The following ST8SIA4 variants were observed in gnomAD, a reference collection of about 807,000 sequenced individuals.
The protein encoded by ST8SIA4 is CMP-N-acetylneuraminate-poly-alpha-2,8-sialyltransferase.
In ST8SIA4, 15 loss-of-function variants were observed where a neutral mutation model predicts 33.9. The ratio of observed to expected loss-of-function variants is 0.44; its 90% CI spans 0.30 to 0.68. The LOEUF (loss-of-function observed/expected upper bound fraction) is 0.68, where lower values mean the gene tolerates loss of function less well. ST8SIA4 is among the 30% of genes least tolerant of loss of function. The pLI is 0.10. For synonymous variants in ST8SIA4, 171 were observed against 151.2 expected, an observed-to-expected ratio of 1.13 and a Z score of -0.96; for missense variants, 321 against 428.0, an observed-to-expected ratio of 0.75 and a Z score of 2.21.
At chr5:100,855,994 C>T in intron 4 of ST8SIA4, 109 bp downstream of exon 4, 3 of 984,408 alleles carry the variant, frequency 3.0e-6, no homozygotes, top group Non-Finnish European at 4.5e-6. Flanking sequence ...ATAACGGAAA[C>T]ATATATCCAT....
rs951097196 is a variant in ST8SIA4, at chr5:100,903,113, G to A, written c.-158C>T. ...GATCAGATCACTGGGGTCTTCTGTG[G>A]CCGAGCTCCCTCTGGTCCTCGAACG... On this transcript the variant is annotated 5_prime_UTR_variant, in exon 1 of 5. Transcript: ENST00000231461. 2 of 608,884 alleles carry A rather than the reference G, an allele frequency of 3.3e-6. No individual in the cohort carries two copies. Among genetic ancestry groups the A allele is most frequent in the Admixed American group, 2.9e-5 (1 of 33,958 alleles). 37.7% of individuals were successfully genotyped at this position (608,884 alleles called of 1,614,324 possible).
chr5:100,895,774 A>C lies in ST8SIA4; in HGVS notation c.125T>G (p.Leu42Trp), dbSNP rs758784244. 2 of 1,612,354 alleles carry C rather than the reference A, an allele frequency of 1.2e-6. No homozygotes were observed. The highest frequency in any genetic ancestry group is 2.2e-5 in the South Asian group (2 of 90,922). Residue 42 changes from leucine (L) to tryptophan (W), a missense_variant, in exon 2 of 5, where the codon TTG (leucine) becomes TGG (tryptophan). By Grantham distance (61) the Leu-to-Trp change is moderately conservative (BLOSUM62 -2). Coordinates refer to ENST00000231461, the MANE Select transcript of ST8SIA4 (RefSeq NM_005668.6). Reference protein sequence around the residue: ...QETQLIGDGELSLSRSLVNSS... With the variant: ...QETQLIGDGEWSLSRSLVNSS... The stretch of plus-strand genomic sequence containing the variant: ...ATTGACAAGTGACCGACTCAAAGAC[A>C]ATTCACCATCTCTGAAACAAAACAA...
At chr5:100,820,439 C>T (rs1298532496) in intron 4 of ST8SIA4, among the ~76,000 whole-genome samples, 1 of 152,018 alleles carries the variant, frequency 6.6e-6, no homozygotes, top group Non-Finnish European at 1.5e-5. Context: ...CTAACAAATT[C>T]ATAATTAATG....
At chr5:100,890,761 A>G (rs1752643636) in intron 2 of ST8SIA4, 1 of 151,956 alleles carries the variant, frequency 6.6e-6, no homozygotes, top group Non-Finnish European at 1.5e-5. Flanking sequence ...TTGAGCAACT[A>G]TTTTAACATT....
rs188221813 is a variant in ST8SIA4, at chr5:100,893,943, A to G, written c.245+1711T>C. On this transcript the variant is annotated intron_variant, in intron 2 of 4. Transcript: ENST00000231461. ...ACCTATCTCTCTCTCTTTCCAATAT[A>G]CCTTCAAGAAATATGAATCTTTACT... Among the ~76,000 whole-genome samples the G allele has an allele frequency of 6.6e-5, 10 of 152,200 alleles. No individual in the cohort carries two copies. In the East Asian group the frequency reaches 1.7e-3, roughly 26 times the overall value.
At chr5:100,866,903 A>G (rs1317518012) in intron 3 of ST8SIA4, among the ~76,000 whole-genome samples, 5 of 152,106 alleles carry the variant, frequency 3.3e-5, no homozygotes, top group African/African-American at 1.2e-4. Flanking sequence ...CTTCATGAGC[A>G]TTGTTAGGAA....
At chr5:100,890,313 A>G (rs1413915774) in intron 2 of ST8SIA4, among the ~76,000 whole-genome samples, 1 of 152,024 alleles carries the variant, frequency 6.6e-6, no homozygotes, top group East Asian at 1.9e-4. Context: ...ATGAAAAAAA[A>G]TTCAAGTATA....
At chr5:100,822,612 A>C (rs1751052026) in intron 4 of ST8SIA4, among the ~76,000 whole-genome samples, 1 of 152,240 alleles carries the variant, frequency 6.6e-6, no homozygotes, top group African/African-American at 2.4e-5. Context: ...ATGAAATTTA[A>C]TATATTATGT....
chr5:100,868,726 C>T (rs1580472180), intron 3 of ST8SIA4, among the ~76,000 whole-genome samples: 1 of 152,026 alleles, frequency 6.6e-6, no homozygotes, highest in East Asian at 1.9e-4. Flanking sequence ...GATGTCTCTA[C>T]CTGAAACTGC....
At position 100,903,145 on chromosome 5, in the gene ST8SIA4, A is replaced by G; in HGVS notation, c.-190T>C. On this transcript the variant is annotated 5_prime_UTR_variant, in exon 1 of 5. Transcript: ENST00000231461. ...TCCCTCTGGTCCTCGAACGCTGCCC[A>G]GCGACCTCTCGCCCTGTTTGCGCCA... is the stretch of plus-strand genomic sequence containing the variant. The G allele has an allele frequency of 1.7e-6, 1 of 587,996 alleles. No individual in the cohort carries two copies. Among genetic ancestry groups the G allele is most frequent in the Non-Finnish European group, 3.0e-6 (1 of 331,586 alleles). 36.4% of individuals were successfully genotyped at this position (587,996 alleles called of 1,614,324 possible). A position where few individuals can be genotyped will look rare whatever the true frequency, so the allele number is the denominator to read the frequency against.
At chr5:100,820,467 T>G (rs1370263775) in intron 4 of ST8SIA4, among the ~76,000 whole-genome samples, 1 of 152,132 alleles carries the variant, frequency 6.6e-6, no homozygotes, top group Non-Finnish European at 1.5e-5. Context: ...TCAAATTTAC[T>G]TATTCATTTT....
intron 4 of ST8SIA4, among the ~76,000 whole-genome samples, chr5:100,848,664 G>A (rs1402297701): frequency 6.7e-6 from 1 of 150,004 alleles, no homozygotes; most frequent in African/African-American, 2.4e-5. Flanking sequence ...CAGTAAATAT[G>A]TATGTATACT....
rs760805096 is a variant in ST8SIA4 at position 100,895,757 on chromosome 5, G to A, written c.142C>T (p.Leu48Phe). The A allele has an allele frequency of 6.2e-7, 1 of 1,612,682 alleles. No individual in the cohort carries two copies. Among genetic ancestry groups the A allele is most frequent in the Non-Finnish European group, 8.5e-7 (1 of 1,179,054 alleles). ...ATGATTTTATCAGAGCTATTGACAA[G>A]TGACCGACTCAAAGACAATTCACCA... is the stretch of plus-strand genomic sequence containing the variant. ...GDGELSLSRSLVNSSDKIIRK... is the reference protein window; with the variant it reads ...GDGELSLSRSFVNSSDKIIRK... Residue 48 changes from leucine to phenylalanine, a missense_variant, in exon 2 of 5, where the codon CTT becomes TTT. Physicochemically the swap from Leu to Phe is conservative, Grantham distance 22. Coordinates refer to ENST00000231461, the MANE Select transcript of ST8SIA4 (RefSeq NM_005668.6).
chr5:100,832,180 A>G (rs1751278104), intron 4 of ST8SIA4, among the ~76,000 whole-genome samples: 1 of 152,062 alleles, frequency 6.6e-6, no homozygotes, highest in South Asian at 2.1e-4. Flanking sequence ...ATCAGTTCAC[A>G]CTTTAGGTTT....
At chr5:100,826,963 C>T (rs1237364799) in intron 4 of ST8SIA4, among the ~76,000 whole-genome samples, 4 of 83,120 alleles carry the variant, frequency 4.8e-5, no homozygotes, top group East Asian at 3.0e-4. Context: ...TGTGTATATA[C>T]ACACACACAC....
chr5:100,851,679 T>C (rs1751701202), intron 4 of ST8SIA4, among the ~76,000 whole-genome samples: 2 of 152,094 alleles, frequency 1.3e-5, no homozygotes, highest in Admixed American at 1.3e-4. Context: ...TCTGTCTATC[T>C]ATAGGTTTTT....
rs1750724704 is a variant in ST8SIA4, at chr5:100,807,803, A to G, written c.*4044T>C. On this transcript the variant is annotated 3_prime_UTR_variant, in exon 5 of 5. Coordinates refer to ENST00000231461, the MANE Select transcript of ST8SIA4 (RefSeq NM_005668.6). ...TATACATATTACAGACTCAGTGTGT[A>G]TACAGACATATACACATATATAACA... 2 of 152,576 alleles carry G rather than the reference A, an allele frequency of 1.3e-5. No homozygotes were observed. Among genetic ancestry groups the G allele is most frequent in the Admixed American group, 1.3e-4 (2 of 15,270 alleles). The allele number at this position is 152,576 out of a possible 1,614,324, so 9.5% of individuals were successfully genotyped here.
In ST8SIA4 at chr5:100,866,618, A is replaced by G. The variant is rs1471953046; in HGVS notation, c.504-10222T>C. Among the ~76,000 whole-genome samples the G allele has an allele frequency of 3.3e-5, 5 of 151,912 alleles. 1 individual carries two copies. In the East Asian group the frequency reaches 9.7e-4, roughly 29 times the overall value. ...CACACACACACACACACACAAATAC[A>G]TATTATATATATGTTTACACACACA... On this transcript the variant is annotated intron_variant, in intron 3 of 4. Transcript: ENST00000231461.
Position 100,903,059 on chromosome 5 carries a change from G to A in ST8SIA4, c.-104C>T, listed in dbSNP as rs1384717247. On this transcript the variant is annotated 5_prime_UTR_variant, in exon 1 of 5. Transcript: ENST00000231461. ...GTCGCGGGGGTGAAATCTGTAAAATGCGAGGAGAGCTTGGAGCCGGGATCC... is the reference window on the plus strand; with the variant it reads ...GTCGCGGGGGTGAAATCTGTAAAATACGAGGAGAGCTTGGAGCCGGGATCC... The A allele has an allele frequency of 3.8e-6, 3 of 789,752 alleles. No individual in the cohort carries two copies. Among genetic ancestry groups the A allele is most frequent in the Non-Finnish European group, 6.4e-6 (3 of 471,932 alleles). 48.9% of individuals were successfully genotyped at this position (789,752 alleles called of 1,614,324 possible).
Sources: gnomAD v4.1 joint callset for allele counts (sites outside exome capture counted in the v4.1 genomes callset) on GRCh38, gnomAD v4.1.1 for gene constraint, MANE v1.5 for transcripts, NCBI Gene and HGNC (gene_info 2026-07-23, HGNC 2026-07-21) for gene names.